STARD13: variants seen among roughly 807,000 people sequenced by gnomAD.
STARD13 encodes stAR-related lipid transfer protein 13.
Under a neutral mutation model 106.4 loss-of-function variants are expected in STARD13, and 62 were observed. The ratio of observed to expected loss-of-function variants is 0.58; its 90% CI spans 0.48 to 0.72. STARD13 has a LOEUF of 0.72. STARD13 is among the 30% of genes least tolerant of loss of function. STARD13 has a pLI of 0.00. For synonymous variants in STARD13, 565 were observed against 553.0 expected (o/e 1.02, Z -0.31); for missense variants, 1,387 against 1,424.0 (o/e 0.97, Z 0.42).
chr13:33,648,450 T>C, the STARD13 span, among the ~76,000 whole-genome samples: 1 of 152,218 alleles, frequency 6.6e-6, no homozygotes, highest in Non-Finnish European at 1.5e-5. Flanking sequence ...GTAAGTTACT[T>C]TACTTTTTTT....
intron 11 of STARD13, 58 bp downstream of exon 11, chr13:33,110,628 T>C (rs1461017691): frequency 3.4e-6 from 5 of 1,458,520 alleles, no homozygotes; most frequent in Non-Finnish European, 3.8e-6. Context: ...CAAAAACAAA[T>C]GTCTGATTGT....
chr13:33,600,362 A>C, the STARD13 span, among the ~76,000 whole-genome samples: 4 of 152,252 alleles, frequency 2.6e-5, no homozygotes, highest in Non-Finnish European at 5.9e-5. Context: ...ATTTAAATAT[A>C]GCCCGTGTAA....
intron 3 of STARD13, among the ~76,000 whole-genome samples, chr13:33,149,993 G>A (rs76198813): frequency 0.028 from 4,229 of 152,268 alleles, 208 homozygotes; most frequent in African/African-American, 0.095. Flanking sequence ...GTTCCTGCAT[G>A]GATGAAAATT....
chr13:33,211,835 G>A (rs868230114), intron 1 of STARD13, among the ~76,000 whole-genome samples: 6 of 128,486 alleles, frequency 4.7e-5, no homozygotes, highest in African/African-American at 8.3e-5. Flanking sequence ...GTATGTGTGT[G>A]TGTGTGTGTG....
the STARD13 span, among the ~76,000 whole-genome samples, chr13:33,519,274 T>C: frequency 7.4e-6 from 1 of 134,996 alleles, no homozygotes; most frequent in Non-Finnish European, 1.6e-5. Flanking sequence ...CTTTCTTTCT[T>C]TTCTTTCTCT....
chr13:33,561,133 A>G, the STARD13 span, among the ~76,000 whole-genome samples: 6 of 151,524 alleles, frequency 4.0e-5, no homozygotes, highest in Non-Finnish European at 1.5e-5. Flanking sequence ...TTGTAAAAGT[A>G]TTAATCCAGA....
chr13:33,532,325 A>T, the STARD13 span, among the ~76,000 whole-genome samples: 1,488 of 152,276 alleles, frequency 9.8e-3, 42 homozygotes, highest in Non-Finnish European at 7.9e-3. Context: ...ATCTCTTATA[A>T]ATCATGTGCT....
the STARD13 span, among the ~76,000 whole-genome samples, chr13:33,671,911 T>A: frequency 3.3e-5 from 5 of 152,230 alleles, no homozygotes; most frequent in Non-Finnish European, 5.9e-5. Flanking sequence ...CCTTTTACAC[T>A]GTTGGTGGGA....
At chr13:33,249,549 A>G (rs1172462010) in intron 1 of STARD13, among the ~76,000 whole-genome samples, 1 of 152,316 alleles carries the variant, frequency 6.6e-6, no homozygotes, top group South Asian at 2.1e-4. Flanking sequence ...GAATTTGCCA[A>G]TATTATTTCT....
the STARD13 span, among the ~76,000 whole-genome samples, chr13:33,600,790 A>G: frequency 3.3e-5 from 5 of 152,200 alleles, no homozygotes; most frequent in Admixed American, 6.5e-5. Context: ...TATGTGTGTG[A>G]CCATAGATGG....
intron 1 of STARD13, among the ~76,000 whole-genome samples, chr13:33,235,997 C>G (rs916888861): frequency 6.6e-6 from 1 of 152,180 alleles, no homozygotes; most frequent in South Asian, 2.1e-4. Context: ...ATCCACCCCC[C>G]AAATCAGTTT....
At chr13:33,360,959 C>T in the STARD13 span, among the ~76,000 whole-genome samples, 1 of 45,674 alleles carries the variant, frequency 2.2e-5, no homozygotes, top group African/African-American at 6.1e-5. Context: ...CCACGCCCGG[C>T]TAATTTTTTT....
chr13:33,474,642 T>C, the STARD13 span, among the ~76,000 whole-genome samples: 1 of 152,208 alleles, frequency 6.6e-6, no homozygotes, highest in Non-Finnish European at 1.5e-5. Flanking sequence ...ATAAAAATGC[T>C]TTGAAATTGG....
chr13:33,310,783 C>T (rs1893100277), intron 1 of STARD13, among the ~76,000 whole-genome samples: 1 of 151,934 alleles, frequency 6.6e-6, no homozygotes, highest in Non-Finnish European at 1.5e-5. Context: ...GAAATGTGTC[C>T]TTAGGCAATT....
chr13:33,637,340 A>G, the STARD13 span, among the ~76,000 whole-genome samples: 1 of 152,216 alleles, frequency 6.6e-6, no homozygotes, highest in Non-Finnish European at 1.5e-5. Flanking sequence ...ACCACATTAC[A>G]GGAAACAAAA....
the STARD13 span, among the ~76,000 whole-genome samples, chr13:33,605,817 G>C: frequency 6.6e-6 from 1 of 151,976 alleles, no homozygotes; most frequent in Non-Finnish European, 1.5e-5. Context: ...GTTCTACTTC[G>C]GTAGTCTCTT....
the STARD13 span, among the ~76,000 whole-genome samples, chr13:33,438,008 A>G: frequency 6.6e-6 from 1 of 152,180 alleles, no homozygotes; most frequent in Non-Finnish European, 1.5e-5. Flanking sequence ...CTATTAAACC[A>G]CTTCAGAGCC....
upstream of STARD13, among the ~76,000 whole-genome samples, chr13:33,352,720 C>T (rs1320296170): frequency 2.0e-5 from 3 of 152,224 alleles, no homozygotes; most frequent in Admixed American, 2.0e-4. Flanking sequence ...TCTCTGCCAG[C>T]CCCGGCTGCT....
chr13:33,390,114 A>G, the STARD13 span, among the ~76,000 whole-genome samples: 2 of 152,144 alleles, frequency 1.3e-5, no homozygotes, highest in Admixed American at 1.3e-4. Context: ...GGGTCTGGAA[A>G]AGGTAAAACA....
Sources: allele counts gnomAD v4.1 joint callset (sites outside exome capture counted in the v4.1 genomes callset), GRCh38; gene constraint gnomAD v4.1.1; transcripts MANE v1.5; gene names NCBI Gene and HGNC (gene_info 2026-07-23, HGNC 2026-07-21).